Variants in RAD51B observed in about 807,000 individuals in gnomAD.
RAD51B encodes the protein DNA repair protein RAD51 homolog 2.
RAD51B carries 38 observed loss-of-function variants against 42.2 expected under a neutral mutation model. The observed-to-expected ratio is 0.90, with a 90% CI of 0.70 to 1.18. The LOEUF (loss-of-function observed/expected upper bound fraction) is 1.18. Ranked by LOEUF, RAD51B falls within the 50% of genes most tolerant of loss-of-function variation. The pLI, the probability that RAD51B is intolerant of heterozygous loss-of-function variation, is 0.00. For missense variants in RAD51B, 373 were observed against 400.7 expected, an observed-to-expected ratio of 0.93 and a Z score of 0.59; for synonymous variants, 154 against 145.2, an observed-to-expected ratio of 1.06 and a Z score of -0.43.
At chr14:67,976,761 C>T (rs1333800442) in intron 7 of RAD51B, among the ~76,000 whole-genome samples, 1 of 152,080 alleles carries the variant, frequency 6.6e-6, no homozygotes, top group Non-Finnish European at 1.5e-5. Flanking sequence ...AAGAAACTAC[C>T]ATCAGAGTGA....
intron 10 of RAD51B, among the ~76,000 whole-genome samples, chr14:68,590,638 A>G (rs1890698388): frequency 6.6e-6 from 1 of 152,172 alleles, no homozygotes; most frequent in Non-Finnish European, 1.5e-5. Context: ...ATCTACCTGG[A>G]ATCTTAAATG....
chr14:68,312,171 A>G (rs1191491937), intron 8 of RAD51B, among the ~76,000 whole-genome samples: 1 of 152,146 alleles, frequency 6.6e-6, no homozygotes, highest in East Asian at 1.9e-4. Context: ...ATCCAAGGGT[A>G]AGTTATAAAC....
intron 7 of RAD51B, among the ~76,000 whole-genome samples, chr14:68,049,550 T>TC (rs1232182739): frequency 1.3e-5 from 2 of 152,136 alleles, no homozygotes; most frequent in Admixed American, 6.5e-5. Flanking sequence ...ACCCAAGGCC[T>TC]CTCCACCTGT....
At chr14:67,965,810 C>T (rs1221410438) in intron 7 of RAD51B, among the ~76,000 whole-genome samples, 1 of 152,046 alleles carries the variant, frequency 6.6e-6, no homozygotes, top group African/African-American at 2.4e-5. Flanking sequence ...TATAGAGGAA[C>T]TGAGGAAGCC....
chr14:67,840,070 G>T (rs10130919), intron 4 of RAD51B, among the ~76,000 whole-genome samples: 1 of 151,910 alleles, frequency 6.6e-6, no homozygotes, highest in Non-Finnish European at 1.5e-5. Flanking sequence ...AATATGTGAT[G>T]AACTTTGATA....
chr14:68,324,676 A>G (rs1170459193), intron 8 of RAD51B, among the ~76,000 whole-genome samples: 1 of 152,142 alleles, frequency 6.6e-6, no homozygotes, highest in Non-Finnish European at 1.5e-5. Flanking sequence ...CTAGAGTGTG[A>G]CTATTTTTTC....
chr14:68,618,063 C>T (rs761093085), intron 10 of RAD51B, among the ~76,000 whole-genome samples: 6 of 152,202 alleles, frequency 3.9e-5, no homozygotes, highest in Non-Finnish European at 8.8e-5. Flanking sequence ...TATAAGGAAG[C>T]AGCAGAAAAA....
At chr14:68,348,472 A>G (rs1202472993) in intron 8 of RAD51B, among the ~76,000 whole-genome samples, 1 of 152,242 alleles carries the variant, frequency 6.6e-6, no homozygotes, top group East Asian at 1.9e-4. Flanking sequence ...GGTTTATGCA[A>G]GACTTGATGG....
intron 10 of RAD51B, among the ~76,000 whole-genome samples, chr14:68,518,558 C>CT (rs1398689599): frequency 6.6e-6 from 1 of 150,536 alleles, no homozygotes; most frequent in Non-Finnish European, 1.5e-5. Flanking sequence ...ATATGAGCCC[C>CT]CCCCCCAGGC....
intron 11 of RAD51B, among the ~76,000 whole-genome samples, chr14:68,681,126 C>T (rs542847334): frequency 2.8e-4 from 43 of 152,150 alleles, no homozygotes; most frequent in Non-Finnish European, 5.1e-4. Flanking sequence ...TAATCCTGTA[C>T]AGTAATCTCT....
At chr14:68,457,773 A>ATTTTTT (rs771439291) in intron 9 of RAD51B, among the ~76,000 whole-genome samples, 1 of 106,766 alleles carries the variant, frequency 9.4e-6, no homozygotes, top group African/African-American at 3.8e-5. Context: ...TAATTTTTGT[A>ATTTTTT]TTTTTTTTTT....
chr14:68,598,602 C>A (rs183037304), downstream of RAD51B, among the ~76,000 whole-genome samples: 348 of 152,290 alleles, frequency 2.3e-3, 2 homozygotes, highest in African/African-American at 6.8e-3. Context: ...TGTTGAGACC[C>A]AAATTCCTCT....
At chr14:68,419,980 C>G (rs2084658400) in intron 9 of RAD51B, among the ~76,000 whole-genome samples, 1 of 152,100 alleles carries the variant, frequency 6.6e-6, no homozygotes, top group Non-Finnish European at 1.5e-5. Flanking sequence ...AAGGAGTTAG[C>G]CTTTACTGAG....
At chr14:68,063,908 T>A (rs1179461520) in intron 7 of RAD51B, among the ~76,000 whole-genome samples, 2 of 152,202 alleles carry the variant, frequency 1.3e-5, no homozygotes, top group African/African-American at 4.8e-5. Flanking sequence ...TGTTATTTTG[T>A]TATTTGTTTT....
At chr14:68,503,011 C>A (rs1453035651) in intron 10 of RAD51B, among the ~76,000 whole-genome samples, 2 of 152,220 alleles carry the variant, frequency 1.3e-5, no homozygotes, top group Non-Finnish European at 2.9e-5. Context: ...GGGACAGCCT[C>A]AGCCTACCCT....
chr14:68,113,280 T>G (rs568592185), intron 7 of RAD51B, among the ~76,000 whole-genome samples: 1 of 152,172 alleles, frequency 6.6e-6, no homozygotes, highest in East Asian at 1.9e-4. Context: ...ATTAAGAATT[T>G]TACCCATCGA....
chr14:68,306,751 C>A, intron 8 of RAD51B: 1 of 408,286 alleles, frequency 2.4e-6, no homozygotes, highest in South Asian at 1.9e-5. Context: ...GATGAACTTG[C>A]ATGGCCGAAG....
chr14:67,864,954 TA>T (rs770806860), intron 4 of RAD51B, 48 bp from the exon 5 acceptor site: 1 of 1,331,356 alleles, frequency 7.5e-7, no homozygotes, highest in Non-Finnish European at 9.6e-7. Context: ...GATGTTTATC[TA>T]AAAAACTTTT....
In RAD51B at chr14:68,163,278, T is replaced by A. The variant is rs1435898313; in HGVS notation, c.757-128606T>A. On this transcript the variant is annotated intron_variant, in intron 7 of 10. Coordinates refer to ENST00000471583, the MANE Select transcript of RAD51B (RefSeq NM_133510.4). ...GTTTTGCCAGTTTTATACAAATAAT[T>A]CTTCTTGTTTTCCAAATTCTCATGA... Among the ~76,000 whole-genome samples the A allele has an allele frequency of 2.0e-5, 3 of 152,250 alleles. No individual in the cohort carries two copies. The East Asian group carries it at 5.8e-4, about 29-fold the overall frequency.
Sources: gnomAD v4.1 joint callset for allele counts (sites outside exome capture counted in the v4.1 genomes callset) on GRCh38, gnomAD v4.1.1 for gene constraint, MANE v1.5 for transcripts, NCBI Gene and HGNC (gene_info 2026-07-23, HGNC 2026-07-21) for gene names.